The following NRXN3 variants were observed in gnomAD, a reference collection of about 807,000 sequenced individuals.
NRXN3 encodes neurexin III.
NRXN3 carries 32 observed loss-of-function variants against 137.6 expected under a neutral mutation model. The observed-to-expected ratio is 0.23, with a 90% CI of 0.18 to 0.31. The LOEUF is 0.31. NRXN3 is among the 10% of genes least tolerant of loss of function. The probability of loss-of-function intolerance (pLI) is 1.00; values close to 1 mark genes in which losing one functional copy is unlikely to be tolerated. For synonymous variants in NRXN3, 798 were observed against 784.5 expected, an observed-to-expected ratio of 1.02 and a Z score of -0.29; for missense variants, 1,574 against 2,062.5, an observed-to-expected ratio of 0.76 and a Z score of 4.59.
intron 15 of NRXN3, among the ~76,000 whole-genome samples, chr14:79,413,798 G>T (rs2095454935): frequency 7.0e-6 from 1 of 143,384 alleles, no homozygotes; most frequent in South Asian, 2.2e-4. Context: ...CCAGAACTGG[G>T]ACTTTCTAAT....
At chr14:79,521,694 G>C (rs1188715129) in intron 16 of NRXN3, among the ~76,000 whole-genome samples, 1 of 152,012 alleles carries the variant, frequency 6.6e-6, no homozygotes, top group Non-Finnish European at 1.5e-5. Flanking sequence ...ACTATTTTTA[G>C]TTGTATTACT....
intron 8 of NRXN3, among the ~76,000 whole-genome samples, chr14:78,729,318 G>A (rs1217722101): frequency 6.6e-6 from 1 of 152,184 alleles, no homozygotes; most frequent in Non-Finnish European, 1.5e-5. Flanking sequence ...CATTTAAACA[G>A]GAGGCCTTAG....
At chr14:79,385,208 C>CCT in intron 15 of NRXN3, among the ~76,000 whole-genome samples, 1 of 94,386 alleles carries the variant, frequency 1.1e-5, no homozygotes, top group African/African-American at 3.3e-5. Context: ...TATCCTTCCC[C>CCT]CCGCCCCCAC....
chr14:78,335,013 A>T (rs214002), intron 4 of NRXN3, among the ~76,000 whole-genome samples: 2 of 151,798 alleles, frequency 1.3e-5, no homozygotes, highest in Non-Finnish European at 2.9e-5. Context: ...TACAGGGGAT[A>T]CCCCTCACTT....
At chr14:79,040,118 A>G (rs1404651132) in intron 15 of NRXN3, among the ~76,000 whole-genome samples, 1 of 152,156 alleles carries the variant, frequency 6.6e-6, no homozygotes, top group Non-Finnish European at 1.5e-5. Context: ...TATAGCAATG[A>G]CCACATTTTG....
At position 79,137,137 on chromosome 14, in the gene NRXN3, G is replaced by A. The variant is rs138845289; in HGVS notation, c.3262+148996G>A. On this transcript the variant is annotated intron_variant, in intron 15 of 20. Coordinates refer to ENST00000335750, the MANE Select transcript of NRXN3 (RefSeq NM_001330195.2). ...CCTGGATTCTGCATGCTGCCTGCTC[G>A]GAGAGGAGAGCCTTACACTGGAGTT... Among the ~76,000 whole-genome samples, 115 of 152,312 alleles carry A rather than the reference G, an allele frequency of 7.6e-4. 1 individual carries two copies. The highest frequency in any genetic ancestry group is 2.3e-3 in the Admixed American group (35 of 15,308).
chr14:78,269,736 T>A (rs899699891), intron 2 of NRXN3, among the ~76,000 whole-genome samples: 1 of 152,200 alleles, frequency 6.6e-6, no homozygotes, highest in Admixed American at 6.5e-5. Context: ...CCTCCTCTTC[T>A]AAGACACTTT....
At chr14:79,294,117 G>A (rs1008523663) in intron 15 of NRXN3, among the ~76,000 whole-genome samples, 4 of 152,158 alleles carry the variant, frequency 2.6e-5, no homozygotes, top group African/African-American at 4.8e-5. Flanking sequence ...TCTGAGGGTC[G>A]TGCTGCAGTT....
chr14:79,812,842 G>A (rs570690075), intron 20 of NRXN3, among the ~76,000 whole-genome samples: 2 of 152,278 alleles, frequency 1.3e-5, no homozygotes, highest in South Asian at 4.1e-4. Context: ...GCCAATGCAA[G>A]TGGTACATAA....
intron 20 of NRXN3, among the ~76,000 whole-genome samples, chr14:79,823,502 G>C (rs544767330): frequency 6.6e-6 from 1 of 152,166 alleles, no homozygotes; most frequent in East Asian, 1.9e-4. Context: ...CTTGAGCCTG[G>C]GAGGTCAAGG....
chr14:78,549,105 G>A (rs1175425049), intron 4 of NRXN3, among the ~76,000 whole-genome samples: 1 of 152,104 alleles, frequency 6.6e-6, no homozygotes, highest in Non-Finnish European at 1.5e-5. Context: ...TTTTCATGTT[G>A]TTGTTTTGGG....
intron 4 of NRXN3, among the ~76,000 whole-genome samples, chr14:78,386,197 T>C (rs1276223874): frequency 6.6e-6 from 1 of 152,218 alleles, no homozygotes; most frequent in African/African-American, 2.4e-5. Flanking sequence ...TTATATTTGA[T>C]TTTCAGAGTT....
intron 15 of NRXN3, among the ~76,000 whole-genome samples, chr14:79,330,487 G>A (rs1158744809): frequency 6.6e-6 from 1 of 152,080 alleles, no homozygotes; most frequent in Non-Finnish European, 1.5e-5. Flanking sequence ...AACAGAAATG[G>A]CTGGTGGGCT....
chr14:79,617,036 T>G (rs2098164512), intron 16 of NRXN3, among the ~76,000 whole-genome samples: 1 of 152,090 alleles, frequency 6.6e-6, no homozygotes, highest in African/African-American at 2.4e-5. Flanking sequence ...GAAGGGATAC[T>G]GTGGTGCATT....
intron 19 of NRXN3, among the ~76,000 whole-genome samples, chr14:79,749,121 G>A (rs1430234169): frequency 6.6e-6 from 1 of 152,076 alleles, no homozygotes; most frequent in East Asian, 1.9e-4. Context: ...TTCTCACCCA[G>A]CCTGTGTCAG....
chr14:79,621,472 G>A (rs192682354), intron 16 of NRXN3, among the ~76,000 whole-genome samples: 1 of 152,190 alleles, frequency 6.6e-6, no homozygotes. Flanking sequence ...ATAAGTGATA[G>A]GGTTTTCTGT....
intron 4 of NRXN3, among the ~76,000 whole-genome samples, chr14:78,342,868 G>A (rs1462584971): frequency 1.3e-5 from 2 of 152,068 alleles, no homozygotes; most frequent in African/African-American, 4.8e-5. Context: ...AAAAACAGGG[G>A]GTGGTTAATA....
In NRXN3 at chr14:79,767,969, G is replaced by C. The variant is rs1350288203; in HGVS notation, c.4015-37143G>C. On this transcript the variant is annotated intron_variant, in intron 19 of 20. Transcript: ENST00000335750. ...GAATTGCCTCACTCGGGAAGCGCAA[G>C]GGGTCAGGGAGTTCCCTTTCCTAGT... Among the ~76,000 whole-genome samples the C allele has an allele frequency of 2.0e-5, 3 of 152,250 alleles. No homozygotes were observed. In the East Asian group the frequency reaches 5.8e-4, roughly 29 times the overall value.
chr14:79,178,843 GA>G (rs2062624960), intron 15 of NRXN3, among the ~76,000 whole-genome samples: 1 of 152,304 alleles, frequency 6.6e-6, no homozygotes, highest in African/African-American at 2.4e-5. Flanking sequence ...TCTGGGATGT[GA>G]ATGTCATTGA....
Sources: allele counts gnomAD v4.1 joint callset (sites outside exome capture counted in the v4.1 genomes callset), GRCh38; gene constraint gnomAD v4.1.1; transcripts MANE v1.5; gene names NCBI Gene and HGNC (gene_info 2026-07-23, HGNC 2026-07-21).